Variants in GOLGB1 observed in about 807,000 individuals in gnomAD.
GOLGB1 encodes golgin subfamily B member 1.
A neutral mutation model predicts 336.9 loss-of-function variants in GOLGB1; 174 were observed. The ratio of observed to expected loss-of-function variants is 0.52; its 90% confidence interval spans 0.46 to 0.59. The LOEUF (loss-of-function observed/expected upper bound fraction) is 0.59. Ranked by LOEUF, GOLGB1 falls within the 20% of genes least tolerant of loss-of-function variation. The pLI is 0.00. For missense variants in GOLGB1, 3,331 were observed against 3,645.3 expected, an observed-to-expected ratio of 0.91 and a Z score of 2.22; for synonymous variants, 1,208 against 1,289.2, an observed-to-expected ratio of 0.94 and a Z score of 1.35.
chr3:121,720,977 C>T (rs372193133), intron 6 of GOLGB1, among the ~76,000 whole-genome samples: 14 of 152,230 alleles, frequency 9.2e-5, no homozygotes, highest in East Asian at 5.8e-4. Context: ...CCTTAAATTA[C>T]GATGAATCTC....
rs2107831492 is a variant in GOLGB1, at chr3:121,695,509, C to T, written c.5014G>A (p.Ala1672Thr). ...KKETEKQLQEAEQEMEEMKEK... is the reference protein window; with the variant it reads ...KKETEKQLQETEQEMEEMKEK... ...TTCATTTCCTCCATTTCTTGCTCAG[C>T]TTCCTGCAACTGCTTTTCTGTCTCC... is the stretch of plus-strand genomic sequence containing the variant. The change falls in exon 13 of 22, where the codon GCT (alanine) becomes ACT (threonine). Residue 1672 changes from alanine to threonine, a missense_variant. Coordinates refer to ENST00000614479, the MANE Select transcript of GOLGB1 (RefSeq NM_001366282.2). 6.2e-7 allele frequency: 1 copy of T among 1,614,038 alleles called. No homozygotes were observed. The highest frequency in any genetic ancestry group is 8.5e-7 in the Non-Finnish European group (1 of 1,179,994).
chr3:121,673,584 T>C (rs2107600068), intron 17 of GOLGB1, among the ~76,000 whole-genome samples: 1 of 152,330 alleles, frequency 6.6e-6, no homozygotes, highest in East Asian at 1.9e-4. Context: ...TTTTTTAGTG[T>C]CCTCTTCAAT....
chr3:121,673,934 TG>T (rs1444379738), intron 17 of GOLGB1, among the ~76,000 whole-genome samples: 1 of 152,176 alleles, frequency 6.6e-6, no homozygotes, highest in Non-Finnish European at 1.5e-5. Flanking sequence ...TTGGCAAGAC[TG>T]GTCTCAAACT....
At chr3:121,706,549 A>G (rs1241324452) in intron 10 of GOLGB1, among the ~76,000 whole-genome samples, 2 of 152,014 alleles carry the variant, frequency 1.3e-5, no homozygotes, top group African/African-American at 4.8e-5. Context: ...AGCCTGGCCA[A>G]CATGGCAAAA....
chr3:121,706,074 G>T (rs1452583256), intron 10 of GOLGB1, among the ~76,000 whole-genome samples: 1 of 151,518 alleles, frequency 6.6e-6, no homozygotes, highest in Non-Finnish European at 1.5e-5. Context: ...GGAGGCAGAG[G>T]TTGCAGTGAG....
At chr3:121,740,689 A>G (rs1246129417) in intron 1 of GOLGB1, among the ~76,000 whole-genome samples, 1 of 152,214 alleles carries the variant, frequency 6.6e-6, no homozygotes, top group Non-Finnish European at 1.5e-5. Context: ...AAAAAATGTA[A>G]GAAATTAAGA....
intron 15 of GOLGB1, among the ~76,000 whole-genome samples, chr3:121,678,581 T>C (rs539776080): frequency 6.6e-6 from 1 of 152,090 alleles, no homozygotes; most frequent in Admixed American, 6.6e-5. Context: ...ATTTTTTTTT[T>C]TTTTGAAACA....
intron 1 of GOLGB1, 107 bp from the exon 2 acceptor site, chr3:121,731,080 A>G: frequency 9.0e-7 from 1 of 1,117,058 alleles, no homozygotes; most frequent in South Asian, 1.6e-5. Context: ...AATACTGTAC[A>G]GGTGATTTGT....
chr3:121,730,996 A>T (rs559084170), intron 1 of GOLGB1, 23 bp from the exon 2 acceptor site: 2 of 1,603,398 alleles, frequency 1.2e-6, no homozygotes, highest in Non-Finnish European at 1.7e-6. Flanking sequence ...AAGGGGGGAA[A>T]AAACCTAAGA....
chr3:121,703,388 A>C (rs1299005740), intron 10 of GOLGB1, among the ~76,000 whole-genome samples: 1 of 152,244 alleles, frequency 6.6e-6, no homozygotes, highest in African/African-American at 2.4e-5. Flanking sequence ...TTCCAATAGA[A>C]TAGCCACAGA....
intron 1 of GOLGB1, among the ~76,000 whole-genome samples, chr3:121,733,610 A>C (rs1022335214): frequency 2.6e-5 from 4 of 152,226 alleles, no homozygotes; most frequent in Non-Finnish European, 5.9e-5. Context: ...TTTAGTAAAC[A>C]TCAAAAAGCT....
intron 10 of GOLGB1, among the ~76,000 whole-genome samples, chr3:121,703,199 T>A (rs1257719061): frequency 6.6e-6 from 1 of 152,226 alleles, no homozygotes; most frequent in African/African-American, 2.4e-5. Context: ...TCCATGGATA[T>A]TATTCTATAA....
chr3:121,730,876 A>G lies in GOLGB1; in HGVS notation c.96T>C (p.Pro32=). ...TTTAAATCAGAACAGAACTACTCAC[A>G]GGGTCTAGGGGAGCCCTCATATTCT... The part of the protein sequence containing the change: ...TDQNMRAPLD[P]ELHQESDMEF... Residue 32 remains proline (P), a splice_region_variant and synonymous_variant, in exon 2 of 22, where the codon CCT becomes CCC. Coordinates refer to ENST00000614479, the MANE Select transcript of GOLGB1 (RefSeq NM_001366282.2). 6.2e-7 allele frequency: 1 copy of G among 1,608,244 alleles called. No homozygotes were observed. The highest frequency in any genetic ancestry group is 1.7e-5 in the Admixed American group (1 of 59,066).
chr3:121,713,902 G>A (rs904781907), intron 10 of GOLGB1, among the ~76,000 whole-genome samples: 2 of 152,272 alleles, frequency 1.3e-5, no homozygotes, highest in African/African-American at 4.8e-5. Flanking sequence ...AATTTAAGAT[G>A]AACTGATGGA....
In GOLGB1 at chr3:121,698,552, T is replaced by C; in HGVS notation, c.1971A>G (p.Ile657Met). The C allele has an allele frequency of 6.2e-7, 1 of 1,613,966 alleles. No individual in the cohort carries two copies. Residue 657 changes from isoleucine (I) to methionine (M), a missense_variant, in exon 13 of 22, where the codon ATA becomes ATG. Coordinates refer to ENST00000614479, the MANE Select transcript of GOLGB1 (RefSeq NM_001366282.2). ...ATTCTACTCCAGCATCATTTAAAGA[T>C]ATTTCCTCAGATGTTCTACTTTGAT... Reference protein sequence around the residue: ...TEHQSRTSEEISLNDAGVELK... With the variant: ...TEHQSRTSEEMSLNDAGVELK...
intron 5 of GOLGB1, among the ~76,000 whole-genome samples, 193 bp from the exon 6 acceptor site, chr3:121,722,571 G>C (rs565882071): frequency 6.6e-5 from 10 of 152,160 alleles, no homozygotes; most frequent in African/African-American, 2.2e-4. Flanking sequence ...AGCAGTAGTG[G>C]CAATTTTTCA....
At chr3:121,735,400 G>C (rs1946407581) in intron 1 of GOLGB1, among the ~76,000 whole-genome samples, 1 of 152,126 alleles carries the variant, frequency 6.6e-6, no homozygotes, top group Non-Finnish European at 1.5e-5. Flanking sequence ...AGGAGATGGG[G>C]CTAACCTAAG....
chr3:121,673,285 T>A (rs1939832113), intron 17 of GOLGB1, among the ~76,000 whole-genome samples: 1 of 152,132 alleles, frequency 6.6e-6, no homozygotes, highest in South Asian at 2.1e-4. Context: ...GCCAGGATGG[T>A]CTCGAACTCC....
chr3:121,722,237 T>C (rs762863995), intron 6 of GOLGB1, 25 bp downstream of exon 6: 1 of 1,307,970 alleles, frequency 7.6e-7, no homozygotes, highest in East Asian at 2.3e-5. Flanking sequence ...CATAGCTCTT[T>C]ATCCTAATTT....
Sources: gnomAD v4.1 joint callset for allele counts (sites outside exome capture counted in the v4.1 genomes callset) on GRCh38, gnomAD v4.1.1 for gene constraint, MANE v1.5 for transcripts, NCBI Gene and HGNC (gene_info 2026-07-23, HGNC 2026-07-21) for gene names.